The following HIVEP1 variants were observed in gnomAD, a reference collection of about 807,000 sequenced individuals.
HIVEP1 encodes the protein zinc finger protein 40.
In HIVEP1, 36 loss-of-function variants were observed where a neutral mutation model predicts 180.0. The observed-to-expected ratio is 0.20, with a 90% confidence interval of 0.15 to 0.26. HIVEP1 has a LOEUF of 0.26. Among genes scored for constraint, HIVEP1 ranks in the 10% least tolerant of loss-of-function variants. The pLI is 1.00. For missense variants in HIVEP1, 3,143 were observed against 3,268.7 expected (o/e 0.96, Z 0.94); for synonymous variants, 1,239 against 1,239.0 (o/e 1.00, Z 0.00).
chr6:12,187,150 G>GA, the HIVEP1 span, among the ~76,000 whole-genome samples: 1 of 152,126 alleles, frequency 6.6e-6, no homozygotes, highest in East Asian at 1.9e-4. Context: ...GGTAATCGGG[G>GA]TCATAGAAGG....
chr6:12,143,731 A>G (rs1759193918), intron 7 of HIVEP1, among the ~76,000 whole-genome samples: 1 of 152,258 alleles, frequency 6.6e-6, no homozygotes, highest in Admixed American at 6.5e-5. Context: ...AAGCATTCCT[A>G]TACACCAATA....
chr6:12,175,713 G>A, the HIVEP1 span, among the ~76,000 whole-genome samples: 2 of 152,364 alleles, frequency 1.3e-5, no homozygotes, highest in South Asian at 4.1e-4. Flanking sequence ...GGTCATCTCT[G>A]ACAGCTTATG....
At chr6:12,088,517 T>C (rs1773249756) in intron 2 of HIVEP1, among the ~76,000 whole-genome samples, 1 of 152,104 alleles carries the variant, frequency 6.6e-6, no homozygotes, top group African/African-American at 2.4e-5. Flanking sequence ...GAGCCCCAGG[T>C]CAAAGAACAG....
rs373744044 is a variant in HIVEP1, at chr6:12,099,183, G to GGTTTTTTTT, written c.94+9946_94+9947insGTTTTTTTT. On this transcript the variant is annotated intron_variant, in intron 3 of 8. Coordinates refer to ENST00000379388, the MANE Select transcript of HIVEP1 (RefSeq NM_002114.4). ...AGGAGCCAGAGGGAAATGTCACTGA[G>GGTTTTTTTT]TTTTTTTTTTTTTTTTGAGACGGAG... 2.9e-4 allele frequency among the ~76,000 whole-genome samples: 40 copies of GGTTTTTTTT among 138,436 alleles called. 3 individuals are homozygous for GGTTTTTTTT. Among genetic ancestry groups the GGTTTTTTTT allele is most frequent in the African/African-American group, 1.1e-3 (39 of 36,554 alleles). 90.8% of individuals were successfully genotyped at this position (138,436 alleles called of 152,430 possible).
chr6:12,204,567 A>G, the HIVEP1 span, among the ~76,000 whole-genome samples: 19 of 152,288 alleles, frequency 1.2e-4, no homozygotes, highest in East Asian at 3.5e-3. Context: ...TATTTTCAGT[A>G]ACTTCTGGTT....
chr6:12,208,044 A>G, the HIVEP1 span, among the ~76,000 whole-genome samples: 12 of 152,198 alleles, frequency 7.9e-5, no homozygotes, highest in Admixed American at 7.8e-4. Context: ...TAATTTTAAT[A>G]AAGAGTATAG....
chr6:12,086,497 A>C (rs746960372), intron 2 of HIVEP1, among the ~76,000 whole-genome samples: 13 of 152,112 alleles, frequency 8.5e-5, no homozygotes, highest in Non-Finnish European at 1.3e-4. Flanking sequence ...GTGGGAGGGC[A>C]TGATGGGGGA....
At chr6:12,171,454 C>A in the HIVEP1 span, among the ~76,000 whole-genome samples, 1 of 152,142 alleles carries the variant, frequency 6.6e-6, no homozygotes. Flanking sequence ...CAGGCTTGAA[C>A]AAGATACAGA....
chr6:12,018,106 A>G (rs1032711869), intron 2 of HIVEP1, among the ~76,000 whole-genome samples: 12 of 152,218 alleles, frequency 7.9e-5, no homozygotes, highest in Admixed American at 2.6e-4. Context: ...CGAGCGCAGC[A>G]CCAGTGGGCC....
chr6:12,015,791 T>G, intron 2 of HIVEP1, 123 bp downstream of exon 2: 9 of 776,916 alleles, frequency 1.2e-5, no homozygotes, highest in Admixed American at 2.3e-5. Flanking sequence ...GCTATTTCTC[T>G]TGCTCATTTC....
intron 2 of HIVEP1, among the ~76,000 whole-genome samples, chr6:12,043,355 A>ATTTTTTT (rs1304144063): frequency 9.1e-6 from 1 of 109,900 alleles, no homozygotes; most frequent in Non-Finnish European, 1.8e-5. Context: ...CTAAGTGAAA[A>ATTTTTTT]TTTTTTTTTT....
At chr6:12,203,354 T>G in the HIVEP1 span, among the ~76,000 whole-genome samples, 1 of 152,268 alleles carries the variant, frequency 6.6e-6, no homozygotes, top group East Asian at 1.9e-4. Context: ...GGTTACCCAT[T>G]AACACTGGCT....
intron 2 of HIVEP1, among the ~76,000 whole-genome samples, chr6:12,067,908 T>G (rs888513570): frequency 1.3e-5 from 2 of 152,162 alleles, no homozygotes; most frequent in Admixed American, 6.5e-5. Context: ...AGATCATATC[T>G]GTAGTTGATG....
chr6:12,182,951 T>C, the HIVEP1 span, among the ~76,000 whole-genome samples: 2 of 152,118 alleles, frequency 1.3e-5, no homozygotes, highest in Non-Finnish European at 2.9e-5. Context: ...AGGATGCACA[T>C]CTCAGCACTG....
chr6:12,013,280 C>T (rs2113553627), intron 1 of HIVEP1, among the ~76,000 whole-genome samples: 1 of 152,340 alleles, frequency 6.6e-6, no homozygotes, highest in African/African-American at 2.4e-5. Flanking sequence ...CAGGCTCCGC[C>T]CTCCACATTC....
intron 2 of HIVEP1, among the ~76,000 whole-genome samples, chr6:12,034,517 G>A (rs1168837626): frequency 2.0e-5 from 3 of 152,184 alleles, no homozygotes; most frequent in Non-Finnish European, 4.4e-5. Context: ...TGACGCTGCA[G>A]TTCAATAGGA....
chr6:12,132,898 G>C (rs142270033), intron 6 of HIVEP1, among the ~76,000 whole-genome samples: 2 of 152,128 alleles, frequency 1.3e-5, no homozygotes, highest in African/African-American at 4.8e-5. Flanking sequence ...GTGAATCTAT[G>C]TAAAACAGAT....
At chr6:12,183,741 TATTC>T in the HIVEP1 span, among the ~76,000 whole-genome samples, 2 of 152,174 alleles carry the variant, frequency 1.3e-5, no homozygotes, top group African/African-American at 4.8e-5. Context: ...ATACCTCTAA[TATTC>T]ATATATAAGC....
At chr6:12,157,088 C>A (rs1463172854) in intron 7 of HIVEP1, among the ~76,000 whole-genome samples, 1 of 152,132 alleles carries the variant, frequency 6.6e-6, no homozygotes, top group Non-Finnish European at 1.5e-5. Flanking sequence ...ATATTCTTTG[C>A]TCTGAAGTCC....
Sources: allele counts gnomAD v4.1 joint callset (sites outside exome capture counted in the v4.1 genomes callset), GRCh38; gene constraint gnomAD v4.1.1; transcripts MANE v1.5; gene names NCBI Gene and HGNC (gene_info 2026-07-23, HGNC 2026-07-21).